The following CACNA2D1 variants were observed in gnomAD, a reference collection of about 807,000 sequenced individuals.
CACNA2D1 encodes the protein calcium voltage-gated channel auxiliary subunit alpha2delta 1.
Under a neutral mutation model 171.5 loss-of-function variants are expected in CACNA2D1, and 53 were observed. That is an observed-to-expected ratio of 0.31 (90% CI 0.25 to 0.39). The LOEUF is 0.39. Ranked by LOEUF, CACNA2D1 falls within the 10% of genes least tolerant of loss-of-function variation. CACNA2D1 has a pLI of 1.00. For missense variants in CACNA2D1, 903 were observed against 1,299.8 expected, an observed-to-expected ratio of 0.69 and a Z score of 4.69; for synonymous variants, 442 against 443.1, an observed-to-expected ratio of 1.00 and a Z score of 0.03.
chr7:82,083,878 T>C (rs1299622422), intron 7 of CACNA2D1, among the ~76,000 whole-genome samples: 1 of 152,188 alleles, frequency 6.6e-6, no homozygotes, highest in East Asian at 1.9e-4. Context: ...ACTTTTTATA[T>C]GAATAACTCA....
chr7:82,011,267 TA>T (rs1350904356), intron 15 of CACNA2D1, among the ~76,000 whole-genome samples: 5 of 152,060 alleles, frequency 3.3e-5, no homozygotes, highest in African/African-American at 1.2e-4. Context: ...ATACTAACAA[TA>T]GTTGAGATTT....
intron 7 of CACNA2D1, among the ~76,000 whole-genome samples, chr7:82,081,991 T>C (rs1467293042): frequency 1.3e-5 from 2 of 152,176 alleles, no homozygotes; most frequent in East Asian, 1.9e-4. Flanking sequence ...GCACCTCAAA[T>C]GCGGAAACGT....
chr7:82,000,623 G>T (rs1012929918), intron 18 of CACNA2D1, among the ~76,000 whole-genome samples: 2 of 151,686 alleles, frequency 1.3e-5, no homozygotes, highest in Admixed American at 6.6e-5. Context: ...TTTTGAGACG[G>T]GGTCTCGCTC....
intron 6 of CACNA2D1, among the ~76,000 whole-genome samples, chr7:82,109,993 T>C (rs1382858781): frequency 6.6e-6 from 1 of 152,202 alleles, no homozygotes; most frequent in Non-Finnish European, 1.5e-5. Flanking sequence ...TTGTACATGT[T>C]TAAAATTCTA....
At chr7:82,075,899 G>T (rs1432326874) in intron 7 of CACNA2D1, among the ~76,000 whole-genome samples, 1 of 152,130 alleles carries the variant, frequency 6.6e-6, no homozygotes, top group Admixed American at 6.5e-5. Flanking sequence ...CAGATTGAGA[G>T]ATATATCTTA....
chr7:82,381,265 G>A (rs1380292612), intron 1 of CACNA2D1, among the ~76,000 whole-genome samples: 1 of 144,176 alleles, frequency 6.9e-6, no homozygotes, highest in East Asian at 2.1e-4. Context: ...AGTGAGCTGA[G>A]ATCGCGCCAT....
chr7:82,315,122 G>A (rs1814953628), intron 3 of CACNA2D1, among the ~76,000 whole-genome samples: 1 of 151,804 alleles, frequency 6.6e-6, no homozygotes, highest in South Asian at 2.1e-4. Context: ...GGGTGACAGA[G>A]TCTCAACAAC....
At chr7:82,252,478 G>A (rs368249024) in intron 3 of CACNA2D1, among the ~76,000 whole-genome samples, 7 of 152,082 alleles carry the variant, frequency 4.6e-5, no homozygotes, top group Non-Finnish European at 8.8e-5. Flanking sequence ...TTGAATGCCC[G>A]CTGCACTCAT....
At chr7:82,333,589 T>G (rs1817645258) in intron 3 of CACNA2D1, among the ~76,000 whole-genome samples, 1 of 151,840 alleles carries the variant, frequency 6.6e-6, no homozygotes, top group African/African-American at 2.4e-5. Flanking sequence ...CCCGCCCCCA[T>G]GATTCAATTA....
Position 82,298,828 on chromosome 7 carries a change from C to T in CACNA2D1, c.294+36307G>A, listed in dbSNP as rs564342786. 4.6e-5 allele frequency among the ~76,000 whole-genome samples: 7 copies of T among 151,792 alleles called. No homozygotes were observed. The East Asian group carries it at 9.7e-4, about 21-fold the overall frequency. On this transcript the variant is annotated intron_variant, in intron 3 of 38. Transcript: ENST00000356860. ...CTATAATCTCAGCACTTTGGGAGGCCGAGGTGGGCGGATCACCTGCGGTCA... is the reference window on the plus strand; with the variant it reads ...CTATAATCTCAGCACTTTGGGAGGCTGAGGTGGGCGGATCACCTGCGGTCA...
intron 1 of CACNA2D1, among the ~76,000 whole-genome samples, chr7:82,423,431 T>G (rs1286455976): frequency 1.3e-5 from 2 of 152,194 alleles, no homozygotes; most frequent in African/African-American, 2.4e-5. Context: ...ACAAAGAGTA[T>G]GCAGTCCTCC....
At chr7:82,011,529 C>T (rs763210654) in intron 15 of CACNA2D1, among the ~76,000 whole-genome samples, 2 of 152,050 alleles carry the variant, frequency 1.3e-5, no homozygotes, top group Admixed American at 6.6e-5. Context: ...GTCAATTGTG[C>T]GATGGACAAT....
chr7:82,387,780 G>A (rs1824579234), intron 1 of CACNA2D1, among the ~76,000 whole-genome samples: 1 of 152,068 alleles, frequency 6.6e-6, no homozygotes, highest in Non-Finnish European at 1.5e-5. Flanking sequence ...AGTTGTGCCT[G>A]TTCAAATTTA....
At chr7:82,085,071 A>G (rs1810284789) in intron 6 of CACNA2D1, among the ~76,000 whole-genome samples, 171 bp from the exon 7 acceptor site, 1 of 152,204 alleles carries the variant, frequency 6.6e-6, no homozygotes, top group Non-Finnish European at 1.5e-5. Context: ...GTTTGACTGG[A>G]TCTACTACCA....
At position 82,304,075 on chromosome 7, in the gene CACNA2D1, CA is replaced by C. The variant is rs1279498385; in HGVS notation, c.294+31059del. Among the ~76,000 whole-genome samples the C allele has an allele frequency of 2.4e-4, 36 of 147,670 alleles. No individual in the cohort carries two copies. In the Admixed American group the frequency reaches 2.4e-3, roughly 10 times the overall value. ...CAAAAGGAGACATACAAATGGCCAA[CA>C]GGTATATTAAAAAAAAGTTCAACAT... On this transcript the variant is annotated intron_variant, in intron 3 of 38. Transcript: ENST00000356860.
At chr7:82,304,193 T>C (rs1229367358) in intron 3 of CACNA2D1, among the ~76,000 whole-genome samples, 1 of 151,976 alleles carries the variant, frequency 6.6e-6, no homozygotes, top group Non-Finnish European at 1.5e-5. Flanking sequence ...CAAAATGTAA[T>C]AGATGCTGTG....
At chr7:82,325,908 G>A (rs1242618193) in intron 3 of CACNA2D1, among the ~76,000 whole-genome samples, 1 of 152,118 alleles carries the variant, frequency 6.6e-6, no homozygotes, top group Non-Finnish European at 1.5e-5. Context: ...CCCATGTCTG[G>A]ATAGGTTTCC....
chr7:82,249,002 A>G (rs1201578779), intron 3 of CACNA2D1, among the ~76,000 whole-genome samples: 1 of 152,056 alleles, frequency 6.6e-6, no homozygotes, highest in African/African-American at 2.4e-5. Context: ...CTGTAGTCCC[A>G]GCTACTCAGG....
intron 13 of CACNA2D1, among the ~76,000 whole-genome samples, chr7:82,013,968 T>C (rs1800112458): frequency 6.6e-6 from 1 of 152,032 alleles, no homozygotes; most frequent in Admixed American, 6.6e-5. Context: ...AGTGAAAATA[T>C]GAGCTCACTG....
Sources: gnomAD v4.1 joint callset for allele counts (sites outside exome capture counted in the v4.1 genomes callset) on GRCh38, gnomAD v4.1.1 for gene constraint, MANE v1.5 for transcripts, NCBI Gene and HGNC (gene_info 2026-07-23, HGNC 2026-07-21) for gene names.